Variants in TENM3 observed in about 807,000 individuals in gnomAD.
TENM3 encodes the protein teneurin-3.
In TENM3, 63 loss-of-function variants were observed where a neutral mutation model predicts 255.1. The ratio of observed to expected loss-of-function variants is 0.25; its 90% CI spans 0.20 to 0.30. The LOEUF is 0.30. Ranked by LOEUF, TENM3 falls within the 10% of genes least tolerant of loss-of-function variation. The pLI, the probability that TENM3 is intolerant of heterozygous loss-of-function variation, is 1.00. For synonymous variants in TENM3, 1,306 were observed against 1,322.3 expected (o/e 0.99, Z 0.27); for missense variants, 2,929 against 3,461.1 (o/e 0.85, Z 3.86).
intron 13 of TENM3, among the ~76,000 whole-genome samples, chr4:182,723,892 G>A (rs1195147084): frequency 7.9e-5 from 12 of 152,118 alleles, no homozygotes; most frequent in Admixed American, 7.9e-4. Flanking sequence ...AAACCTGAAC[G>A]TATTTACTCT....
intron 2 of TENM3, among the ~76,000 whole-genome samples, chr4:182,330,484 C>G (rs1222515219): frequency 6.6e-6 from 1 of 152,208 alleles, no homozygotes; most frequent in Non-Finnish European, 1.5e-5. Context: ...GTCTTATGTC[C>G]TGCTTCAGGG....
intron 7 of TENM3, among the ~76,000 whole-genome samples, chr4:182,674,673 T>G (rs970983654): frequency 3.9e-5 from 6 of 152,026 alleles, no homozygotes; most frequent in African/African-American, 1.4e-4. Context: ...CCTCCTCGGC[T>G]CAGGTGATCC....
the TENM3 span, among the ~76,000 whole-genome samples, chr4:182,125,198 G>A: frequency 6.8e-6 from 1 of 147,168 alleles, no homozygotes; most frequent in African/African-American, 2.5e-5. Context: ...CCCCTGCTGG[G>A]ATGGTGAATC....
At chr4:181,991,157 T>C in the TENM3 span, among the ~76,000 whole-genome samples, 1 of 152,170 alleles carries the variant, frequency 6.6e-6, no homozygotes, top group East Asian at 1.9e-4. Context: ...TTAAATGAAC[T>C]ACTCAACAAC....
the TENM3 span, among the ~76,000 whole-genome samples, chr4:182,022,778 AAAC>A: frequency 1.3e-5 from 2 of 152,182 alleles, no homozygotes. Flanking sequence ...CTTAAATACC[AAAC>A]AACATCATGA....
chr4:182,318,865 T>G lies in TENM3; in HGVS notation c.-75-5081T>G, dbSNP rs1762893093. On this transcript the variant is annotated intron_variant, in intron 1 of 27. Coordinates refer to ENST00000511685, the MANE Select transcript of TENM3 (RefSeq NM_001080477.4). ...TCGCTCTGTCCTTGAAGTCCTGGGC[T>G]CAAGCGATCCCCCTGTCTCAGCCTC... 2.6e-5 allele frequency among the ~76,000 whole-genome samples: 4 copies of G among 152,154 alleles called. No homozygotes were observed. In the South Asian group the frequency reaches 8.3e-4, roughly 31 times the overall value.
chr4:181,917,473 CTT>C, the TENM3 span, among the ~76,000 whole-genome samples: 1 of 151,960 alleles, frequency 6.6e-6, no homozygotes, highest in Admixed American at 6.6e-5. Context: ...TCATCTGTTT[CTT>C]GGAGATAAAA....
In TENM3 at chr4:182,681,845, T is replaced by C. The variant is rs554122470; in HGVS notation, c.1866T>C (p.His622=). The C allele has an allele frequency of 9.3e-6, 15 of 1,613,826 alleles. No individual in the cohort carries two copies. The South Asian group carries it at 1.4e-4, about 15-fold the overall frequency. ...ADCIDPGCSN[H]GVCIHGECHC... ...GTATAGACCCTGGGTGTTCTAATCATGGTGTGTGTATCCACGGGGAATGTC... is the reference window on the plus strand; with the variant it reads ...GTATAGACCCTGGGTGTTCTAATCACGGTGTGTGTATCCACGGGGAATGTC... The change falls in exon 11 of 28, where the codon CAT becomes CAC. Residue 622 remains histidine (H), a synonymous_variant. Coordinates refer to ENST00000511685, the MANE Select transcript of TENM3 (RefSeq NM_001080477.4).
chr4:181,665,524 T>A, the TENM3 span, among the ~76,000 whole-genome samples: 1 of 152,154 alleles, frequency 6.6e-6, no homozygotes, highest in Non-Finnish European at 1.5e-5. Context: ...AATCATCGCG[T>A]GCGTGTGTGT....
At chr4:181,922,551 G>A in the TENM3 span, among the ~76,000 whole-genome samples, 2 of 152,116 alleles carry the variant, frequency 1.3e-5, no homozygotes, top group Non-Finnish European at 2.9e-5. Context: ...TCTGATGGTA[G>A]TTTGTATTTC....
intron 7 of TENM3, among the ~76,000 whole-genome samples, chr4:182,679,265 T>C (rs1755919123): frequency 6.6e-6 from 1 of 152,122 alleles, no homozygotes; most frequent in African/African-American, 2.4e-5. Context: ...GCACTCAAAA[T>C]ACGTACGACT....
At chr4:182,176,670 C>G (rs1322045789) in intron 1 of TENM3, among the ~76,000 whole-genome samples, 1 of 151,192 alleles carries the variant, frequency 6.6e-6, no homozygotes, top group Admixed American at 6.6e-5. Flanking sequence ...ACTTTTTTTT[C>G]TTTTTTTGTT....
chr4:181,806,634 A>G, the TENM3 span, among the ~76,000 whole-genome samples: 1 of 152,218 alleles, frequency 6.6e-6, no homozygotes, highest in Admixed American at 6.5e-5. Flanking sequence ...TCAAGATGGC[A>G]TCTCGGAAGA....
chr4:182,199,484 C>G (rs1213840317), intron 1 of TENM3, among the ~76,000 whole-genome samples: 1 of 152,022 alleles, frequency 6.6e-6, no homozygotes, highest in Non-Finnish European at 1.5e-5. Flanking sequence ...ATCTTAGGAG[C>G]AAAAATCATT....
chr4:181,681,059 A>G, the TENM3 span, among the ~76,000 whole-genome samples: 2 of 152,046 alleles, frequency 1.3e-5, no homozygotes, highest in Non-Finnish European at 2.9e-5. Context: ...ATATTTATAC[A>G]TTCTTTTAGC....
chr4:182,199,176 A>G (rs1393486696), intron 1 of TENM3, among the ~76,000 whole-genome samples: 1 of 152,138 alleles, frequency 6.6e-6, no homozygotes, highest in African/African-American at 2.4e-5. Flanking sequence ...ATCATTGCAC[A>G]TTTCAGGCCG....
At chr4:182,261,064 C>T (rs1758755358) in intron 1 of TENM3, among the ~76,000 whole-genome samples, 1 of 151,914 alleles carries the variant, frequency 6.6e-6, no homozygotes, top group African/African-American at 2.4e-5. Context: ...TTAATAGAGA[C>T]GGGGTTTCAC....
At chr4:182,460,028 C>G (rs1774212895) in intron 3 of TENM3, among the ~76,000 whole-genome samples, 1 of 152,100 alleles carries the variant, frequency 6.6e-6, no homozygotes, top group African/African-American at 2.4e-5. Flanking sequence ...GGGGATGTCT[C>G]CTTCTAAATG....
chr4:181,859,631 C>T, the TENM3 span, among the ~76,000 whole-genome samples: 1 of 152,154 alleles, frequency 6.6e-6, no homozygotes, highest in Admixed American at 6.5e-5. Flanking sequence ...AGTTGCATTT[C>T]CCGCTATTTT....
Sources: allele counts gnomAD v4.1 joint callset (sites outside exome capture counted in the v4.1 genomes callset), GRCh38; gene constraint gnomAD v4.1.1; transcripts MANE v1.5; gene names NCBI Gene and HGNC (gene_info 2026-07-23, HGNC 2026-07-21).